SH3KBP1: variants seen among roughly 807,000 people sequenced by gnomAD.
SH3KBP1 encodes the protein SH3 domain containing kinase binding protein 1, also known as SH3 domain-containing kinase-binding protein 1.
Under a neutral mutation model 50.1 loss-of-function variants are expected in SH3KBP1, and 8 were observed. The observed-to-expected ratio is 0.16, with a 90% CI of 0.09 to 0.29. The LOEUF is 0.29. SH3KBP1 is among the 10% of genes least tolerant of loss of function. The pLI is 1.00. For missense variants in SH3KBP1, 377 were observed against 535.2 expected (o/e 0.70, Z 2.92); for synonymous variants, 227 against 218.6 (o/e 1.04, Z -0.34).
intron 2 of SH3KBP1, among the ~76,000 whole-genome samples, chrX:19,782,560 C>T (rs1350324088): frequency 9.0e-6 from 1 of 111,570 alleles, no homozygotes; most frequent in East Asian, 2.8e-4. Context: ...TGTACGCACA[C>T]ACCAAAACAG....
intron 6 of SH3KBP1, among the ~76,000 whole-genome samples, chrX:19,657,865 G>T (rs1309807895): frequency 9.4e-6 from 1 of 106,828 alleles, no homozygotes; most frequent in African/African-American, 3.4e-5. Context: ...AAGGTACCTA[G>T]AGTAGTCAAA....
chrX:19,741,742 C>CTGAG lies in SH3KBP1; in HGVS notation c.286+4572_286+4575dup, dbSNP rs774117554. On this transcript the variant is annotated intron_variant, in intron 3 of 17. Transcript: ENST00000397821. The stretch of plus-strand genomic sequence containing the variant: ...AACGTTTCCCAAGGGATACAACAGA[C>CTGAG]TGAGTTACTTGCAGGCAGGACTGGC... Among the ~76,000 whole-genome samples the CTGAG allele has an allele frequency of 7.5e-3, 839 of 112,062 alleles. 11 individuals are homozygous for CTGAG. Among genetic ancestry groups the CTGAG allele is most frequent in the African/African-American group, 0.026 (801 of 30,840 alleles).
rs144703918 is a variant in SH3KBP1 at position 19,591,419 on chromosome X, C to T, written c.1138+648G>A. Among the ~76,000 whole-genome samples the T allele has an allele frequency of 5.7e-3, 635 of 111,113 alleles. 5 individuals are homozygous for T. Among genetic ancestry groups the T allele is most frequent in the Admixed American group, 8.6e-3 (90 of 10,467 alleles). ...GACTCTCAAAATGGTAGGAGTCAAACGCGTTCATAAACCTGATTGCAGGAC... is the reference window on the plus strand; with the variant it reads ...GACTCTCAAAATGGTAGGAGTCAAATGCGTTCATAAACCTGATTGCAGGAC... On this transcript the variant is annotated intron_variant, in intron 11 of 17. Transcript: ENST00000397821.
chrX:19,598,285 TCTCA>T (rs1412571427), intron 9 of SH3KBP1, among the ~76,000 whole-genome samples: 1 of 109,114 alleles, frequency 9.2e-6, no homozygotes, highest in African/African-American at 3.4e-5. Flanking sequence ...AGAGATGGAG[TCTCA>T]CTATGTTGCC....
At chrX:19,873,295 TATATATATATATATATAC>T (rs2069119376) in intron 1 of SH3KBP1, among the ~76,000 whole-genome samples, 1 of 99,299 alleles carries the variant, frequency 1.0e-5, no homozygotes, top group African/African-American at 3.8e-5. Context: ...TATATGTATA[TATATATATATATATATAC>T]ATATACATAT....
intron 9 of SH3KBP1, among the ~76,000 whole-genome samples, chrX:19,599,047 G>A (rs1411006883): frequency 1.8e-5 from 2 of 111,560 alleles, no homozygotes; most frequent in Non-Finnish European, 3.8e-5. Context: ...AAGTATGCCT[G>A]TCATTCCTTA....
chrX:19,598,402 T>G (rs1234456352), intron 9 of SH3KBP1, among the ~76,000 whole-genome samples: 3 of 111,311 alleles, frequency 2.7e-5, no homozygotes, highest in African/African-American at 9.8e-5. Context: ...ATAAGGCTGT[T>G]TTACTTTCTT....
At chrX:19,770,545 C>G (rs142651581) in intron 2 of SH3KBP1, among the ~76,000 whole-genome samples, 3,342 of 111,408 alleles carry the variant, frequency 0.03, 51 homozygotes, top group Non-Finnish European at 0.044. Context: ...TATATTCCTT[C>G]GGGTATATAC....
At position 19,780,803 on chromosome X, in the gene SH3KBP1, A is replaced by G. The variant is rs2066156218; in HGVS notation, c.163-34362T>C. Among the ~76,000 whole-genome samples, 3 of 111,178 alleles carry G rather than the reference A, an allele frequency of 2.7e-5. 1 individual carries two copies. The Admixed American group carries it at 2.9e-4, about 11-fold the overall frequency. On this transcript the variant is annotated intron_variant, in intron 2 of 17. Transcript: ENST00000397821. ...GCTCTGTTCTGTTCCATTGATCTATATCTCTGTTTTGGTACCAGTACCATG... is the reference window on the plus strand; with the variant it reads ...GCTCTGTTCTGTTCCATTGATCTATGTCTCTGTTTTGGTACCAGTACCATG...
chrX:19,541,635 C>A (rs905444155), intron 16 of SH3KBP1, among the ~76,000 whole-genome samples: 2 of 112,662 alleles, frequency 1.8e-5, no homozygotes, highest in Non-Finnish European at 3.8e-5. Flanking sequence ...TGCTTTTCTT[C>A]TTAGCAGCCT....
chrX:19,795,376 C>T lies in SH3KBP1; in HGVS notation c.162+40749G>A, dbSNP rs759401691. ...CTCTAGGGGCTTGGTGCTGTAATCACAAATTCCTTTTCCTTCCTCCTTTTG... is the reference window on the plus strand; with the variant it reads ...CTCTAGGGGCTTGGTGCTGTAATCATAAATTCCTTTTCCTTCCTCCTTTTG... On this transcript the variant is annotated intron_variant, in intron 2 of 17. Transcript: ENST00000397821. 3.6e-5 allele frequency among the ~76,000 whole-genome samples: 4 copies of T among 111,971 alleles called. No individual in the cohort carries two copies. The South Asian group carries it at 1.1e-3, about 31-fold the overall frequency.
In SH3KBP1 at chrX:19,545,973, G is replaced by A. The variant is rs1023574219; in HGVS notation, c.1572C>T (p.His524=). Residue 524 remains histidine, a synonymous_variant, in exon 15 of 18, where the codon CAC becomes CAT. Coordinates refer to ENST00000397821, the MANE Select transcript of SH3KBP1 (RefSeq NM_031892.3). The part of the protein sequence containing the change: ...EDKEEHISLA[H]RGVDASKKTS... Reference sequence around the variant, plus strand: ...TTTTCTTTGACGCGTCCACTCCTCTGTGCGCAAGTGAAATGTGTTCCTCCT... The same window carrying A: ...TTTTCTTTGACGCGTCCACTCCTCTATGCGCAAGTGAAATGTGTTCCTCCT... 2 of 1,208,990 alleles carry A rather than the reference G, an allele frequency of 1.7e-6. No homozygotes were observed. The highest frequency in any genetic ancestry group is 4.4e-5 in the Admixed American group (2 of 45,730).
At chrX:19,872,252 C>CAAAAA (rs67033348) in intron 1 of SH3KBP1, among the ~76,000 whole-genome samples, 12 of 37,945 alleles carry the variant, frequency 3.2e-4, no homozygotes, top group Non-Finnish European at 5.1e-4. Flanking sequence ...AACTTCATCT[C>CAAAAA]AAAAAAAAAA....
intron 3 of SH3KBP1, among the ~76,000 whole-genome samples, chrX:19,721,036 T>C (rs1312123750): frequency 9.0e-6 from 1 of 111,384 alleles, no homozygotes; most frequent in Non-Finnish European, 1.9e-5. Context: ...GAGATCTTCA[T>C]TGCAGGTAGT....
intron 2 of SH3KBP1, among the ~76,000 whole-genome samples, chrX:19,816,137 G>C (rs1258234935): frequency 8.9e-6 from 1 of 112,108 alleles, no homozygotes; most frequent in Non-Finnish European, 1.9e-5. Context: ...GAGAGAACCA[G>C]TTTCTCTGCA....
chrX:19,598,584 A>G (rs760119957), intron 9 of SH3KBP1, among the ~76,000 whole-genome samples: 36 of 111,759 alleles, frequency 3.2e-4, no homozygotes, highest in African/African-American at 1.2e-3. Context: ...ATTTAAAGTG[A>G]CAGATATGTG....
At chrX:19,644,230 C>A (rs1424268678) in intron 7 of SH3KBP1, among the ~76,000 whole-genome samples, 6 of 111,168 alleles carry the variant, frequency 5.4e-5, no homozygotes, top group Non-Finnish European at 1.1e-4. Flanking sequence ...TAGTTGGGGG[C>A]TGGGGGGTAG....
rs1602376354 is a variant in SH3KBP1, at chrX:19,535,567, T to C, written c.*850A>G. ...ATGAACAACCTAAAACTAGGAGAAA[T>C]AGAAAAGTCACAGCTGGTACCACAG... On this transcript the variant is annotated 3_prime_UTR_variant, in exon 18 of 18. Transcript: ENST00000397821. 1 of 111,797 alleles carries C rather than the reference T, an allele frequency of 8.9e-6. No individual in the cohort carries two copies. The highest frequency in any genetic ancestry group is 3.3e-5 in the African/African-American group (1 of 30,735). The allele number at this position is 111,797 out of a possible 1,213,427, so 9.2% of individuals were successfully genotyped here. A position where few individuals can be genotyped will look rare whatever the true frequency, so the allele number is the denominator to read the frequency against.
intron 3 of SH3KBP1, among the ~76,000 whole-genome samples, chrX:19,732,596 TACAC>T (rs60032683): frequency 0.08 from 7,245 of 90,468 alleles, 273 homozygotes; most frequent in African/African-American, 0.088. Flanking sequence ...TAAAAATCCC[TACAC>T]ACACACACAC....
Sources: gnomAD v4.1 joint callset for allele counts (sites outside exome capture counted in the v4.1 genomes callset) on GRCh38, gnomAD v4.1.1 for gene constraint, MANE v1.5 for transcripts, NCBI Gene and HGNC (gene_info 2026-07-23, HGNC 2026-07-21) for gene names.